Variants in CFAP20DC observed in about 807,000 individuals in gnomAD.
CFAP20DC encodes CFAP20 domain containing.
In CFAP20DC, 84 loss-of-function variants were observed where a neutral mutation model predicts 101.7. The ratio of observed to expected loss-of-function variants is 0.83; its 90% CI spans 0.69 to 0.99. The LOEUF is 0.99. Ranked by LOEUF, CFAP20DC falls within the 50% of genes least tolerant of loss-of-function variation. CFAP20DC has a pLI of 0.00. For missense variants in CFAP20DC, 1,007 were observed against 970.3 expected (o/e 1.04, Z -0.50); for synonymous variants, 359 against 351.2 (o/e 1.02, Z -0.25).
At chr3:58,780,724 C>G (rs1176104465) in intron 15 of CFAP20DC, among the ~76,000 whole-genome samples, 2 of 151,646 alleles carry the variant, frequency 1.3e-5, no homozygotes, top group Non-Finnish European at 3.0e-5. Flanking sequence ...CAAAAGTAAG[C>G]TAGAAGATAT....
chr3:58,731,934 C>G (rs1184878750), intron 3 of CFAP20DC, among the ~76,000 whole-genome samples: 9 of 152,198 alleles, frequency 5.9e-5, no homozygotes, highest in Admixed American at 5.9e-4. Context: ...CTGATAGATT[C>G]CTGCATCACC....
rs536710401 is a variant in CFAP20DC at position 59,001,726 on chromosome 3, C to G, written c.278+37831G>C. On this transcript the variant is annotated intron_variant, in intron 4 of 16. Coordinates refer to ENST00000482387, the MANE Select transcript of CFAP20DC (RefSeq NM_001394063.1). This position sits in a 1 kb window ranked among gnomAD's most constrained non-coding sequence, Gnocchi z 4.5. Reference sequence around the variant, plus strand: ...GTGCCGGGATTACAGGTGTGAGCCACTGTGCCCGGCACAGACAACCTTTTT... The same window carrying G: ...GTGCCGGGATTACAGGTGTGAGCCAGTGTGCCCGGCACAGACAACCTTTTT... Among the ~76,000 whole-genome samples the G allele has an allele frequency of 3.3e-5, 5 of 152,268 alleles. No individual in the cohort carries two copies. In the East Asian group the frequency reaches 7.7e-4, roughly 24 times the overall value.
chr3:59,016,136 C>G (rs986805818), intron 4 of CFAP20DC, among the ~76,000 whole-genome samples: 17 of 151,950 alleles, frequency 1.1e-4, no homozygotes, highest in African/African-American at 4.1e-4. Context: ...AAGTGTCCAT[C>G]AATGAATGAA....
chr3:58,902,731 C>T (rs1467987474), intron 6 of CFAP20DC, among the ~76,000 whole-genome samples: 1 of 152,124 alleles, frequency 6.6e-6, no homozygotes, highest in Non-Finnish European at 1.5e-5. Context: ...TGCAGATGCT[C>T]AAGTCCCTTA....
chr3:58,972,987 C>T (rs577491418), intron 4 of CFAP20DC, among the ~76,000 whole-genome samples: 3 of 152,142 alleles, frequency 2.0e-5, no homozygotes, highest in Non-Finnish European at 4.4e-5. Flanking sequence ...ACTGGATTTA[C>T]ATATTATTTA....
intron 4 of CFAP20DC, among the ~76,000 whole-genome samples, chr3:59,003,650 A>G (rs1255453508): frequency 1.3e-5 from 2 of 152,214 alleles, no homozygotes. Flanking sequence ...TCTGTTTTCC[A>G]GACATGATAT....
At chr3:58,965,042 C>T (rs1191604136) in intron 4 of CFAP20DC, among the ~76,000 whole-genome samples, 1 of 152,198 alleles carries the variant, frequency 6.6e-6, no homozygotes, top group East Asian at 1.9e-4. Flanking sequence ...GTTTCATATG[C>T]TCTTTATCTG....
At chr3:58,981,071 CAG>C (rs2092519692) in intron 4 of CFAP20DC, among the ~76,000 whole-genome samples, 1 of 152,106 alleles carries the variant, frequency 6.6e-6, no homozygotes, top group Non-Finnish European at 1.5e-5. Context: ...AACAGACAAA[CAG>C]AGAGCCAAAT....
rs1559812339 is a variant in CFAP20DC at position 58,913,678 on chromosome 3, T to TA, written c.550+29dup. 6.2e-7 allele frequency: 1 copy of TA among 1,610,184 alleles called. No individual in the cohort carries two copies. Among genetic ancestry groups the TA allele is most frequent in the East Asian group, 2.2e-5 (1 of 44,822 alleles). ...TAATTTTAAAAATACATCAGAGAAT[T>TA]AAAAAATCTTGATAGCAACCTGAAC... On this transcript the variant is annotated intron_variant, in intron 6 of 16. Coordinates refer to ENST00000482387, the MANE Select transcript of CFAP20DC (RefSeq NM_001394063.1). This position sits in a 1 kb window ranked among gnomAD's most constrained non-coding sequence, Gnocchi z 4.4.
chr3:58,764,313 G>A (rs1049368752), intron 15 of CFAP20DC, among the ~76,000 whole-genome samples: 8 of 152,148 alleles, frequency 5.3e-5, no homozygotes, highest in Non-Finnish European at 5.9e-5. Flanking sequence ...GCGAGGCTCC[G>A]TTGGTGTAGG....
At chr3:58,926,389 G>GA (rs2085976076) in intron 5 of CFAP20DC, among the ~76,000 whole-genome samples, 1 of 149,046 alleles carries the variant, frequency 6.7e-6, no homozygotes, top group Non-Finnish European at 1.5e-5. Context: ...AGAAGAAGAA[G>GA]AAAAAAAGAA....
intron 15 of CFAP20DC, among the ~76,000 whole-genome samples, chr3:58,803,418 TATTA>T (rs1459469593): frequency 2.6e-5 from 4 of 152,258 alleles, no homozygotes; most frequent in Non-Finnish European, 4.4e-5. Context: ...TATTTTTTCA[TATTA>T]ATTATCAATA....
chr3:58,820,292 G>A (rs2075536009), intron 14 of CFAP20DC, among the ~76,000 whole-genome samples: 3 of 149,528 alleles, frequency 2.0e-5, no homozygotes, highest in Admixed American at 1.3e-4. Context: ...GTTCTGGCCA[G>A]GGCAATGAGG....
intron 4 of CFAP20DC, among the ~76,000 whole-genome samples, chr3:58,982,830 A>C (rs537300441): frequency 6.6e-6 from 1 of 152,186 alleles, no homozygotes; most frequent in African/African-American, 2.4e-5. Flanking sequence ...CACATTGTGC[A>C]CATGTACCCT....
intron 14 of CFAP20DC, among the ~76,000 whole-genome samples, chr3:58,819,562 A>G (rs1217535858): frequency 1.1e-3 from 157 of 139,566 alleles, no homozygotes; most frequent in Middle Eastern, 3.5e-3. Flanking sequence ...TAAATTCCTC[A>G]ACACATACAC....
At chr3:58,791,189 G>C (rs2072818706) in intron 15 of CFAP20DC, among the ~76,000 whole-genome samples, 1 of 151,822 alleles carries the variant, frequency 6.6e-6, no homozygotes, top group Middle Eastern at 3.4e-3. Flanking sequence ...TTCTGTTAAA[G>C]TATGATTTTT....
At chr3:58,856,527 G>A (rs550344965) in intron 12 of CFAP20DC, among the ~76,000 whole-genome samples, 1 of 152,158 alleles carries the variant, frequency 6.6e-6, no homozygotes, top group Non-Finnish European at 1.5e-5. Flanking sequence ...TATGGGGTGA[G>A]CTTGTCCTTC....
At position 58,863,420 on chromosome 3, in the gene CFAP20DC, G is replaced by GTTA; in HGVS notation, c.1593+137_1593+138insTAA. 1 of 1,455,390 alleles carries GTTA rather than the reference G, an allele frequency of 6.9e-7. No individual in the cohort carries two copies. Among genetic ancestry groups the GTTA allele is most frequent in the Non-Finnish European group, 9.0e-7 (1 of 1,109,290 alleles). The allele number at this position is 1,455,390 out of a possible 1,614,324, so 90.2% of individuals were successfully genotyped here. ...GTTACCATAACAACCTGATGCAACTGTGGACTGACATGGCAATCTGTTGCA... is the reference window on the plus strand; with the variant it reads ...GTTACCATAACAACCTGATGCAACTGTTATGGACTGACATGGCAATCTGTTGCA... On this transcript the variant is annotated intron_variant, in intron 12 of 16. Coordinates refer to ENST00000482387, the MANE Select transcript of CFAP20DC (RefSeq NM_001394063.1). This position sits in a 1 kb window ranked among gnomAD's most constrained non-coding sequence, Gnocchi z 5.9.
chr3:58,929,531 T>TATTTCAATATTTA (rs2086354503), intron 5 of CFAP20DC, among the ~76,000 whole-genome samples: 1 of 152,224 alleles, frequency 6.6e-6, no homozygotes, highest in Non-Finnish European at 1.5e-5. Context: ...ATGTCTTAAA[T>TATTTCAATATTTA]GGTTTAACTT....
Sources: allele counts gnomAD v4.1 joint callset (sites outside exome capture counted in the v4.1 genomes callset), GRCh38; gene constraint gnomAD v4.1.1; non-coding constraint Gnocchi (gnomAD v3.1); transcripts MANE v1.5; gene names NCBI Gene and HGNC (gene_info 2026-07-23, HGNC 2026-07-21).